TMOD2: variants seen among roughly 807,000 people sequenced by gnomAD.
The protein encoded by TMOD2 is tropomodulin-2.
Under a neutral mutation model 39.9 loss-of-function variants are expected in TMOD2, and 22 were observed. That is an observed-to-expected ratio of 0.55 (90% CI 0.39 to 0.79). The LOEUF is 0.79. Among genes scored for constraint, TMOD2 ranks in the 30% least tolerant of loss-of-function variants. TMOD2 has a pLI of 0.00. For missense variants in TMOD2, 386 were observed against 413.3 expected, an observed-to-expected ratio of 0.93 and a Z score of 0.57; for synonymous variants, 123 against 146.1, an observed-to-expected ratio of 0.84 and a Z score of 1.14.
chr15:51,763,693 A>G (rs1419477847), intron 1 of TMOD2, among the ~76,000 whole-genome samples: 1 of 152,152 alleles, frequency 6.6e-6, no homozygotes, highest in East Asian at 1.9e-4. Context: ...AGTATTCCAC[A>G]GTTGTCCCTG....
At position 51,782,701 on chromosome 15, in the gene TMOD2, C is replaced by G; in HGVS notation, c.625-20C>G. 6.3e-7 allele frequency: 1 copy of G among 1,591,534 alleles called. No homozygotes were observed. On this transcript the variant is annotated intron_variant, in intron 6 of 9. Coordinates refer to ENST00000249700, the MANE Select transcript of TMOD2 (RefSeq NM_014548.4). ...TGCCATACAATGGTTCATCAACTAGCCATGTCCTCTCTGTCTTAGAACATT... is the reference window on the plus strand; with the variant it reads ...TGCCATACAATGGTTCATCAACTAGGCATGTCCTCTCTGTCTTAGAACATT...
chr15:51,778,165 T>G (rs2055902055), intron 5 of TMOD2, among the ~76,000 whole-genome samples: 1 of 151,528 alleles, frequency 6.6e-6, no homozygotes, highest in South Asian at 2.1e-4. Flanking sequence ...CCATAAAAAA[T>G]GATGAGTTAA....
rs1319857065 is a variant in TMOD2 at position 51,798,230 on chromosome 15, T to G, written c.766T>G (p.Leu256Val). ...FADMLKVNKT[L>V]TSLNIESNFI... Reference sequence around the variant, plus strand: ...AGACATGCTGAAAGTAAACAAGACCTTGACAAGTCTAAACATAGAATCCAA... The same window carrying G: ...AGACATGCTGAAAGTAAACAAGACCGTGACAAGTCTAAACATAGAATCCAA... The change falls in exon 8 of 10, where the codon TTG becomes GTG. Residue 256 changes from leucine to valine, a missense_variant. Coordinates refer to ENST00000249700, the MANE Select transcript of TMOD2 (RefSeq NM_014548.4). 2 of 1,612,544 alleles carry G rather than the reference T, an allele frequency of 1.2e-6. No homozygotes were observed. The highest frequency in any genetic ancestry group is 4.5e-5 in the East Asian group (2 of 44,766).
chr15:51,771,965 A>G (rs990632862), intron 3 of TMOD2, among the ~76,000 whole-genome samples: 1 of 152,200 alleles, frequency 6.6e-6, no homozygotes, highest in Non-Finnish European at 1.5e-5. Flanking sequence ...GATGCCCCAG[A>G]CTGACGACAA....
intron 5 of TMOD2, among the ~76,000 whole-genome samples, chr15:51,779,973 TGCCTG>T (rs2055918683): frequency 6.6e-6 from 1 of 152,208 alleles, no homozygotes; most frequent in Admixed American, 6.5e-5. Flanking sequence ...TGAGCCACCA[TGCCTG>T]GCTCCTGAAT....
rs577819398 is a variant in TMOD2 at position 51,801,225 on chromosome 15, T to C, written c.876+2885T>C. Among the ~76,000 whole-genome samples the C allele has an allele frequency of 2.1e-3, 192 of 90,416 alleles. 2 individuals are homozygous for C. The highest frequency in any genetic ancestry group is 9.7e-3 in the African/African-American group (188 of 19,362). The allele number at this position is 90,416 out of a possible 152,430, so 59.3% of individuals were successfully genotyped here. On this transcript the variant is annotated intron_variant, in intron 8 of 9. Coordinates refer to ENST00000249700, the MANE Select transcript of TMOD2 (RefSeq NM_014548.4). ...TATATTCATTCTCTCTCCCTCTCTCTCTCTCTCTCTCTCACACACACACAC... is the reference window on the plus strand; with the variant it reads ...TATATTCATTCTCTCTCCCTCTCTCCCTCTCTCTCTCTCACACACACACAC...
chr15:51,789,187 A>G (rs1567243431), intron 7 of TMOD2, among the ~76,000 whole-genome samples: 1 of 152,038 alleles, frequency 6.6e-6, no homozygotes, highest in Non-Finnish European at 1.5e-5. Context: ...AATGGAAAGT[A>G]AAAAAAAGCA....
In TMOD2 at chr15:51,773,804, GC is replaced by G. The variant is rs1567238439; in HGVS notation, c.378del (p.Ser127LeufsTer46). 6.2e-7 allele frequency: 1 copy of G among 1,612,850 alleles called. No individual in the cohort carries two copies. Among genetic ancestry groups the G allele is most frequent in the East Asian group, 2.2e-5 (1 of 44,864 alleles). On this transcript the variant is annotated frameshift_variant, in exon 4 of 10. Coordinates refer to ENST00000249700, the MANE Select transcript of TMOD2 (RefSeq NM_014548.4). LOFTEE classifies it high-confidence loss of function. The part of the protein sequence containing the change: ...DPELEEALAS[A>X]SDTELYDLAA... ...AGAACTGGAAGAAGCTTTGGCCAGT[GC>G]CTCTGACACCGAACTCTATGATCTT... is the stretch of plus-strand genomic sequence containing the variant.
At chr15:51,762,507 T>G (rs913838534) in intron 1 of TMOD2, among the ~76,000 whole-genome samples, 1 of 152,186 alleles carries the variant, frequency 6.6e-6, no homozygotes, top group African/African-American at 2.4e-5. Flanking sequence ...GTTTTCGACT[T>G]CCACATAGGT....
intron 1 of TMOD2, among the ~76,000 whole-genome samples, chr15:51,757,840 G>A (rs8026066): frequency 0.016 from 2,494 of 152,278 alleles, 31 homozygotes; most frequent in Non-Finnish European, 0.029. Flanking sequence ...CTTCTCCACA[G>A]TATTTCTATA....
rs534684659 is a variant in TMOD2, at chr15:51,813,995, A to T, written c.*5541A>T. On this transcript the variant is annotated 3_prime_UTR_variant, in exon 10 of 10. Coordinates refer to ENST00000249700, the MANE Select transcript of TMOD2 (RefSeq NM_014548.4). ...AGGGACTGGAGTTATTTCAGCTCCC[A>T]TGTAGAGGTGGGAGAGGTGGTTGAT... 1 of 152,346 alleles carries T rather than the reference A, an allele frequency of 6.6e-6. No individual in the cohort carries two copies. Among genetic ancestry groups the T allele is most frequent in the South Asian group, 2.1e-4 (1 of 4,826 alleles). The allele number at this position is 152,346 out of a possible 1,614,324, so 9.4% of individuals were successfully genotyped here. A position where few individuals can be genotyped will look rare whatever the true frequency, so the allele number is the denominator to read the frequency against.
At chr15:51,763,283 A>G (rs1390363836) in intron 1 of TMOD2, among the ~76,000 whole-genome samples, 2 of 152,188 alleles carry the variant, frequency 1.3e-5, no homozygotes, top group African/African-American at 4.8e-5. Context: ...ATTGTTTTCA[A>G]TTTTTGGCAA....
Position 51,773,900 on chromosome 15 carries a change from A to G in TMOD2, c.406+66A>G, listed in dbSNP as rs568417281. 4.6e-6 allele frequency: 7 copies of G among 1,523,550 alleles called. No individual in the cohort carries two copies. In the African/African-American group the frequency reaches 8.4e-5, roughly 18 times the overall value. 94.4% of individuals were successfully genotyped at this position (1,523,550 alleles called of 1,614,324 possible). A position where few individuals can be genotyped will look rare whatever the true frequency, so the allele number is the denominator to read the frequency against. ...GACCTCCGAGCATGCACTGGCACCC[A>G]TGGCAGCAGGCTTTGAGCTTCTCTT... On this transcript the variant is annotated intron_variant, in intron 4 of 9. Coordinates refer to ENST00000249700, the MANE Select transcript of TMOD2 (RefSeq NM_014548.4).
intron 4 of TMOD2, among the ~76,000 whole-genome samples, 174 bp downstream of exon 4, chr15:51,774,008 TTATTTTGCTC>T (rs1367964572): frequency 6.6e-6 from 1 of 152,228 alleles, no homozygotes; most frequent in Non-Finnish European, 1.5e-5. Context: ...TGAGCAAATG[TTATTTTGCTC>T]TATTTCAGCA....
intron 7 of TMOD2, among the ~76,000 whole-genome samples, chr15:51,785,288 T>C (rs1250653471): frequency 6.6e-6 from 1 of 151,716 alleles, no homozygotes; most frequent in South Asian, 2.1e-4. Context: ...GGCGGGCGCC[T>C]GTAGTCCCAG....
At position 51,813,686 on chromosome 15, in the gene TMOD2, T is replaced by C. The variant is rs545831433; in HGVS notation, c.*5232T>C. The C allele has an allele frequency of 2.6e-5, 4 of 152,192 alleles. No homozygotes were observed. Among genetic ancestry groups the C allele is most frequent in the Non-Finnish European group, 5.9e-5 (4 of 68,046 alleles). The allele number at this position is 152,192 out of a possible 1,614,324, so 9.4% of individuals were successfully genotyped here. The stretch of plus-strand genomic sequence containing the variant: ...ACACTTGGCTCCACACTTCCTTAGC[T>C]GGGTAACTTTGGGCAAACCGCTTGG... On this transcript the variant is annotated 3_prime_UTR_variant, in exon 10 of 10. Transcript: ENST00000249700.
intron 7 of TMOD2, among the ~76,000 whole-genome samples, chr15:51,790,441 G>A (rs1166015321): frequency 6.6e-6 from 1 of 152,130 alleles, no homozygotes; most frequent in Non-Finnish European, 1.5e-5. Flanking sequence ...AAAGGAGCTG[G>A]TATCATTCCT....
chr15:51,783,745 TGATAGATAGATAGATAGATAGATAGATA>T (rs57407023), intron 7 of TMOD2: 1 of 146,350 alleles, frequency 6.8e-6, no homozygotes. Flanking sequence ...TAGAACGAGA[TGATAGATAGATAGATAGATAGATAGATA>T]GATAGATAGA....
At chr15:51,767,031 A>ATT (rs11459410) in intron 2 of TMOD2, 1,499 of 147,672 alleles carry the variant, frequency 0.01, 12 homozygotes, top group African/African-American at 0.019. Flanking sequence ...CAAATGCAGA[A>ATT]TTTTTTTTTT....
Sources: allele counts gnomAD v4.1 joint callset (sites outside exome capture counted in the v4.1 genomes callset), GRCh38; gene constraint gnomAD v4.1.1; transcripts MANE v1.5; gene names NCBI Gene and HGNC (gene_info 2026-07-23, HGNC 2026-07-21).